The following TUBA8 variants were observed in gnomAD, a reference collection of about 807,000 sequenced individuals.
The protein encoded by TUBA8 is tubulin alpha-8 chain.
Under a neutral mutation model 34.7 loss-of-function variants are expected in TUBA8, and 29 were observed. The ratio of observed to expected loss-of-function variants is 0.84; its 90% confidence interval spans 0.62 to 1.14. The LOEUF (loss-of-function observed/expected upper bound fraction) is 1.14, where lower values mean the gene tolerates loss of function less well. Ranked by LOEUF, TUBA8 falls within the 50% of genes most tolerant of loss-of-function variation. The pLI is 0.00. For synonymous variants in TUBA8, 226 were observed against 231.2 expected (o/e 0.98, Z 0.21); for missense variants, 541 against 599.2 (o/e 0.90, Z 1.01).
At chr22:18,114,007 G>A (rs945632418) in intron 1 of TUBA8, 6 of 152,116 alleles carry the variant, frequency 3.9e-5, no homozygotes, top group African/African-American at 1.4e-4. Context: ...GAAATAGCTG[G>A]TGGATAGCGG....
intron 1 of TUBA8, chr22:18,120,119 C>G (rs1194512371): frequency 6.6e-6 from 1 of 152,340 alleles, no homozygotes; most frequent in Non-Finnish European, 1.5e-5. Flanking sequence ...TCCCCACCCC[C>G]CTTTTTCTTT....
chr22:18,124,366 C>G lies in TUBA8; in HGVS notation c.375+62C>G. ...TGGAGTGGACAGGCTTGGCCCCATGCCTCTTTGATCAGGCTAGGGAGAGGC... is the reference window on the plus strand; with the variant it reads ...TGGAGTGGACAGGCTTGGCCCCATGGCTCTTTGATCAGGCTAGGGAGAGGC... On this transcript the variant is annotated intron_variant, in intron 3 of 4. Coordinates refer to ENST00000330423, the MANE Select transcript of TUBA8 (RefSeq NM_018943.3). The surrounding 1 kb of genome is among the most constrained non-coding windows in gnomAD (Gnocchi z 4.3). The G allele has an allele frequency of 6.4e-7, 1 of 1,565,076 alleles. No homozygotes were observed. Among genetic ancestry groups the G allele is most frequent in the Non-Finnish European group, 8.7e-7 (1 of 1,152,226 alleles).
Position 18,126,260 on chromosome 22 carries a change from T to C in TUBA8, c.376-94T>C. The C allele has an allele frequency of 8.5e-7, 1 of 1,175,604 alleles. No homozygotes were observed. The highest frequency in any genetic ancestry group is 1.3e-6 in the Non-Finnish European group (1 of 792,946). The allele number at this position is 1,175,604 out of a possible 1,614,324, so 72.8% of individuals were successfully genotyped here. ...TTTTGATTTCATCCACAAAAAAATA[T>C]GAGGCAGACAGAGTGGGCGGTCTGG... On this transcript the variant is annotated intron_variant, in intron 3 of 4. Coordinates refer to ENST00000330423, the MANE Select transcript of TUBA8 (RefSeq NM_018943.3). This position sits in a 1 kb window ranked among gnomAD's most constrained non-coding sequence, Gnocchi z 4.0.
rs758772460 is a variant in TUBA8, at chr22:18,126,421, G to A, written c.443G>A (p.Gly148Asp). The change falls in exon 4 of 5, where the codon GGC becomes GAC. Residue 148 changes from glycine to aspartate, a missense_variant. Transcript: ENST00000330423. The surrounding 1 kb of genome is among the most constrained non-coding windows in gnomAD (Gnocchi z 4.0). Reference sequence around the variant, plus strand: ...AGTTTTGGTGGGGGCACTGGCTCCGGCTTCACTTCTCTGCTGATGGAACGC... The same window carrying A: ...AGTTTTGGTGGGGGCACTGGCTCCGACTTCACTTCTCTGCTGATGGAACGC... The part of the protein sequence containing the change: ...FHSFGGGTGS[G>D]FTSLLMERLS... 6 of 1,614,046 alleles carry A rather than the reference G, an allele frequency of 3.7e-6. No individual in the cohort carries two copies. The highest frequency in any genetic ancestry group is 5.1e-6 in the Non-Finnish European group (6 of 1,180,016).
At chr22:18,123,110 C>CAAAAAAA (rs1189653081) in intron 2 of TUBA8, 1 of 21,188 alleles carries the variant, frequency 4.7e-5, no homozygotes. Context: ...ACCCCGTCTC[C>CAAAAAAA]AAAAAAAAAA....
intron 2 of TUBA8, chr22:18,122,502 C>T (rs1421851212): frequency 2.0e-5 from 3 of 152,390 alleles, no homozygotes; most frequent in East Asian, 3.8e-4. Context: ...AGTAGAGGAA[C>T]CCCGAAGAGA....
chr22:18,124,002 T>C lies in TUBA8; in HGVS notation c.227-154T>C, dbSNP rs1569199993. On this transcript the variant is annotated intron_variant, in intron 2 of 4. Coordinates refer to ENST00000330423, the MANE Select transcript of TUBA8 (RefSeq NM_018943.3). This position sits in a 1 kb window ranked among gnomAD's most constrained non-coding sequence, Gnocchi z 4.3. The stretch of plus-strand genomic sequence containing the variant: ...TCCCTGAGCTACCCGGGAATTCTCT[T>C]AGCCTTTTGCAGATTCATTACGAGG... The C allele has an allele frequency of 2.2e-6, 2 of 905,680 alleles. No homozygotes were observed. The highest frequency in any genetic ancestry group is 3.5e-6 in the Non-Finnish European group (2 of 575,122). The allele number at this position is 905,680 out of a possible 1,614,324, so 56.1% of individuals were successfully genotyped here.
At chr22:18,116,651 A>G (rs1927984236) in intron 1 of TUBA8, 1 of 152,264 alleles carries the variant, frequency 6.6e-6, no homozygotes, top group Non-Finnish European at 1.5e-5. Flanking sequence ...CGGAGCCGAT[A>G]TAACATCCCT....
rs1480066216 is a variant in TUBA8 at position 18,121,402 on chromosome 22, G to A, written c.4-77G>A. 8.2e-6 allele frequency: 11 copies of A among 1,349,618 alleles called. No individual in the cohort carries two copies. Among genetic ancestry groups the A allele is most frequent in the Non-Finnish European group, 1.2e-5 (11 of 939,944 alleles). The allele number at this position is 1,349,618 out of a possible 1,614,324, so 83.6% of individuals were successfully genotyped here. A position where few individuals can be genotyped will look rare whatever the true frequency, so the allele number is the denominator to read the frequency against. ...CTGGGGCCTGGCTGGCCTGCAAGGT[G>A]AATGTTATGGGGATGTAGGGCAAAG... On this transcript the variant is annotated intron_variant, in intron 1 of 4. Transcript: ENST00000330423. This position sits in a 1 kb window ranked among gnomAD's most constrained non-coding sequence, Gnocchi z 4.8.
intron 1 of TUBA8, chr22:18,115,516 A>G (rs956207041): frequency 8.5e-5 from 13 of 152,232 alleles, no homozygotes; most frequent in Admixed American, 7.9e-4. Context: ...CCTTGAGTGA[A>G]ACAAAGGTTC....
Position 18,130,968 on chromosome 22 carries a change from G to A in TUBA8, c.1182G>A (p.Lys394=), listed in dbSNP as rs528763373. The change falls in exon 5 of 5, where the codon AAG becomes AAA. Residue 394 remains lysine (K), a synonymous_variant. Transcript: ENST00000330423. ...IAEAWARLDH[K]FDLMYAKRAF... is the part of the protein sequence containing the mutation. Reference sequence around the variant, plus strand: ...AGGCCTGGGCCCGCCTCGACCACAAGTTCGACCTCATGTACGCCAAGCGGG... The same window carrying A: ...AGGCCTGGGCCCGCCTCGACCACAAATTCGACCTCATGTACGCCAAGCGGG... The A allele has an allele frequency of 3.7e-6, 6 of 1,614,166 alleles. No individual in the cohort carries two copies. Among genetic ancestry groups the A allele is most frequent in the African/African-American group, 1.3e-5 (1 of 75,046 alleles).
chr22:18,126,597 G>A lies in TUBA8; in HGVS notation c.619G>A (p.Glu207Lys), dbSNP rs770431044. 11 of 1,614,114 alleles carry A rather than the reference G, an allele frequency of 6.8e-6. No individual in the cohort carries two copies. Among genetic ancestry groups the A allele is most frequent in the East Asian group, 4.5e-5 (2 of 44,884 alleles). ...AGATTGTGCTTTCATGGTGGACAAC[G>A]AAGCCATCTATGACATCTGCCGCAG... ...HSDCAFMVDN[E>K]AIYDICRRNL... The change falls in exon 4 of 5, where the codon GAA becomes AAA. Residue 207 changes from glutamate to lysine, a missense_variant. Transcript: ENST00000330423. This position sits in a 1 kb window ranked among gnomAD's most constrained non-coding sequence, Gnocchi z 4.0.
rs1753560521 is a variant in TUBA8, at chr22:18,111,998, A to G, written c.3+1130A>G. The G allele has an allele frequency of 6.6e-6, 1 of 152,130 alleles. No individual in the cohort carries two copies. The highest frequency in any genetic ancestry group is 2.4e-5 in the African/African-American group (1 of 41,432). 9.4% of individuals were successfully genotyped at this position (152,130 alleles called of 1,614,324 possible). A position where few individuals can be genotyped will look rare whatever the true frequency, so the allele number is the denominator to read the frequency against. ...CTCCCAGACACCCCTGGGAACTGAA[A>G]GAACTTGGGAATATTAGGGAGGGTG... On this transcript the variant is annotated intron_variant, in intron 1 of 4. Transcript: ENST00000330423. The surrounding 1 kb of genome is among the most constrained non-coding windows in gnomAD (Gnocchi z 5.1).
intron 2 of TUBA8, chr22:18,123,943 C>A (rs1223989802): frequency 1.7e-6 from 1 of 600,416 alleles, no homozygotes; most frequent in Non-Finnish European, 3.0e-6. Flanking sequence ...TGCTTCTCAC[C>A]GCCCACATGA....
chr22:18,120,876 T>G (rs1005621875), intron 1 of TUBA8: 4 of 155,780 alleles, frequency 2.6e-5, no homozygotes, highest in Admixed American at 2.5e-4. Context: ...TTGTTCAGCG[T>G]GCAGGAAGGG....
At chr22:18,127,301 A>C in intron 4 of TUBA8, 1 of 456,612 alleles carries the variant, frequency 2.2e-6, no homozygotes, top group Non-Finnish European at 3.9e-6. Context: ...ACTGAGCAAC[A>C]AGTAATGATT....
intron 4 of TUBA8, 135 bp from the exon 5 acceptor site, chr22:18,130,708 C>A: frequency 8.7e-7 from 1 of 1,143,078 alleles, no homozygotes; most frequent in South Asian, 1.4e-5. Context: ...CCGCCTGTTG[C>A]ATCCCATAGC....
Position 18,124,177 on chromosome 22 carries a change from A to G in TUBA8, c.248A>G (p.Tyr83Cys), listed in dbSNP as rs768728259. ...GAAGATGAGGTTCGGGCAGGAACCT[A>G]CCGCCAGCTCTTCCATCCAGAGCAG... ...TVVDEVRAGTYRQLFHPEQLI... is the reference protein window; with the variant it reads ...TVVDEVRAGTCRQLFHPEQLI... The change falls in exon 3 of 5, where the codon TAC (tyrosine) becomes TGC (cysteine). Residue 83 changes from tyrosine to cysteine, a missense_variant. Transcript: ENST00000330423. This position sits in a 1 kb window ranked among gnomAD's most constrained non-coding sequence, Gnocchi z 4.3. 15 of 1,614,202 alleles carry G rather than the reference A, an allele frequency of 9.3e-6. No homozygotes were observed. The highest frequency in any genetic ancestry group is 1.3e-5 in the Non-Finnish European group (15 of 1,180,030).
At chr22:18,127,157 C>A in intron 4 of TUBA8, 123 bp downstream of exon 4, 2 of 944,818 alleles carry the variant, frequency 2.1e-6, no homozygotes, top group African/African-American at 1.6e-5. Flanking sequence ...GGACTTCAAC[C>A]AAATGTAACA....
Sources: gnomAD v4.1 joint callset for allele counts on GRCh38, gnomAD v4.1.1 for gene constraint, Gnocchi (gnomAD v3.1) non-coding constraint, MANE v1.5 for transcripts, NCBI Gene and HGNC (gene_info 2026-07-23, HGNC 2026-07-21) for gene names.